Variants in CSMD2 observed in about 807,000 individuals in gnomAD.
CSMD2 encodes CUB and Sushi multiple domains 2, also known as CUB and sushi domain-containing protein 2.
CSMD2 carries 130 observed loss-of-function variants against 398.5 expected under a neutral mutation model. That is an observed-to-expected ratio of 0.33 (90% CI 0.28 to 0.38). The LOEUF (loss-of-function observed/expected upper bound fraction) is 0.38. Ranked by LOEUF, CSMD2 falls within the 10% of genes least tolerant of loss-of-function variation. CSMD2 has a pLI of 1.00. For missense variants in CSMD2, 3,829 were observed against 4,764.9 expected (o/e 0.80, Z 5.78); for synonymous variants, 1,828 against 1,908.5 (o/e 0.96, Z 1.10).
At chr1:33,802,855 C>T (rs1655766861) in intron 10 of CSMD2, among the ~76,000 whole-genome samples, 2 of 152,106 alleles carry the variant, frequency 1.3e-5, no homozygotes, top group African/African-American at 2.4e-5. Context: ...TTTCCTAAGC[C>T]TACTAACATA....
At chr1:34,067,515 C>A (rs1570990535) in intron 2 of CSMD2, among the ~76,000 whole-genome samples, 1 of 152,232 alleles carries the variant, frequency 6.6e-6, no homozygotes, top group East Asian at 1.9e-4. Context: ...GCCAGGAGCC[C>A]CAGGGGCTGC....
At chr1:34,127,736 G>C (rs970707593) in intron 1 of CSMD2, among the ~76,000 whole-genome samples, 1 of 152,150 alleles carries the variant, frequency 6.6e-6, no homozygotes, top group African/African-American at 2.4e-5. Context: ...GTTCGCAGTG[G>C]CAGCAGGATT....
chr1:33,648,750 C>A (rs1051604716), intron 28 of CSMD2, among the ~76,000 whole-genome samples: 7 of 152,180 alleles, frequency 4.6e-5, no homozygotes, highest in African/African-American at 1.4e-4. Flanking sequence ...GATCATTTCT[C>A]TCATCCAACA....
chr1:33,600,873 G>A lies in CSMD2; in HGVS notation c.6848C>T (p.Ala2283Val), dbSNP rs747026123. 6 of 1,614,162 alleles carry A rather than the reference G, an allele frequency of 3.7e-6. No individual in the cohort carries two copies. The South Asian group carries it at 6.6e-5, about 18-fold the overall frequency. Residue 2283 changes from alanine to valine, a missense_variant, in exon 44 of 71, where the codon GCT becomes GTT. This residue lies in a region of CSMD2 where 723 missense variants were observed against 758.6 expected (regional missense o/e 0.95). Coordinates refer to ENST00000373381, the MANE Select transcript of CSMD2 (RefSeq NM_001281956.2). ...CAGGCTTCCATACTGACCGGAGAAA[G>A]CTATGGCGAAGATCCCCCCTGTGGC... ...DAATGGIFAI[A>V]FSAYPLTKCP...
intron 19 of CSMD2, among the ~76,000 whole-genome samples, chr1:33,719,684 A>G (rs1002552957): frequency 6.6e-6 from 1 of 152,230 alleles, no homozygotes; most frequent in African/African-American, 2.4e-5. Flanking sequence ...ACCTGGATCA[A>G]AAGCCCATTT....
At chr1:33,807,084 A>C (rs927196042) in intron 10 of CSMD2, among the ~76,000 whole-genome samples, 1 of 152,234 alleles carries the variant, frequency 6.6e-6, no homozygotes, top group Non-Finnish European at 1.5e-5. Flanking sequence ...AAGAACAAGA[A>C]AAGACAGTAA....
intron 3 of CSMD2, among the ~76,000 whole-genome samples, chr1:34,021,650 A>G (rs1215257974): frequency 1.3e-5 from 2 of 152,210 alleles, no homozygotes; most frequent in South Asian, 2.1e-4. Flanking sequence ...ACCTGTGCTA[A>G]TAAGTGTTAA....
chr1:33,968,323 C>A (rs1396280433), intron 3 of CSMD2, among the ~76,000 whole-genome samples: 1 of 152,180 alleles, frequency 6.6e-6, no homozygotes, highest in Non-Finnish European at 1.5e-5. Context: ...GCAGATGGCC[C>A]CCAAGGTGAC....
intron 5 of CSMD2, among the ~76,000 whole-genome samples, chr1:33,912,805 T>G (rs1643524400): frequency 6.6e-6 from 1 of 152,080 alleles, no homozygotes; most frequent in Admixed American, 6.5e-5. Flanking sequence ...CCTCTTCTGC[T>G]TTTCTTTTTC....
At position 33,761,353 on chromosome 1, in the gene CSMD2, G is replaced by A. The variant is rs145629621; in HGVS notation, c.1846+11216C>T. ...CCCCAGGATCCTATGAGTGATACTC[G>A]TAGCGTCCTATTCTTCCTACATGGG... On this transcript the variant is annotated intron_variant, in intron 13 of 70. Coordinates refer to ENST00000373381, the MANE Select transcript of CSMD2 (RefSeq NM_001281956.2). Among the ~76,000 whole-genome samples, 528 of 152,288 alleles carry A rather than the reference G, an allele frequency of 3.5e-3. 6 individuals are homozygous for A. The highest frequency in any genetic ancestry group is 0.012 in the African/African-American group (503 of 41,550).
intron 29 of CSMD2, among the ~76,000 whole-genome samples, chr1:33,639,522 T>C (rs926704907): frequency 1.3e-5 from 2 of 152,246 alleles, no homozygotes; most frequent in Admixed American, 6.5e-5. Flanking sequence ...GGTAAGGGTA[T>C]TTCTTTCCAG....
At chr1:33,994,078 G>A (rs1023558420) in intron 3 of CSMD2, among the ~76,000 whole-genome samples, 3 of 152,120 alleles carry the variant, frequency 2.0e-5, no homozygotes, top group Admixed American at 6.5e-5. Flanking sequence ...ATTAGTGAAG[G>A]GAGACACTGG....
At chr1:33,757,972 A>G (rs1649275920) in intron 13 of CSMD2, among the ~76,000 whole-genome samples, 1 of 152,180 alleles carries the variant, frequency 6.6e-6, no homozygotes. Flanking sequence ...TCCAGGGTCA[A>G]TTTTGAAACT....
chr1:33,571,553 C>G lies in CSMD2; in HGVS notation c.7936G>C (p.Asp2646His), dbSNP rs1163127634. 6 of 1,517,084 alleles carry G rather than the reference C, an allele frequency of 4.0e-6. No homozygotes were observed. Among genetic ancestry groups the G allele is most frequent in the Non-Finnish European group, 5.4e-6 (6 of 1,117,614 alleles). The allele number at this position is 1,517,084 out of a possible 1,614,324, so 94.0% of individuals were successfully genotyped here. Residue 2646 changes from aspartate (D) to histidine (H), a missense_variant, in exon 51 of 71, where the codon GAC becomes CAC. This residue lies in a region of CSMD2 where 723 missense variants were observed against 758.6 expected (regional missense o/e 0.95). Transcript: ENST00000373381. ...CQANGKWSLG[D>H]STPTCRIISC... ...TTACTTCGGCAGGTGGGCGTAGAGT[C>G]CCCGAGGCTCCATTTGCCATTGGCC...
In CSMD2 at chr1:34,023,271, G is replaced by A. The variant is rs1039373830; in HGVS notation, c.517+9323C>T. On this transcript the variant is annotated intron_variant, in intron 3 of 70. Coordinates refer to ENST00000373381, the MANE Select transcript of CSMD2 (RefSeq NM_001281956.2). The stretch of plus-strand genomic sequence containing the variant: ...AATGACCACAGACTCCCAAGAGGAC[G>A]GTTCTGAAGTAAAGCTCCAAAACCT... Among the ~76,000 whole-genome samples, 7 of 152,152 alleles carry A rather than the reference G, an allele frequency of 4.6e-5. No homozygotes were observed. The East Asian group carries it at 1.2e-3, about 25-fold the overall frequency.
At chr1:34,132,690 G>A (rs561575237) in intron 1 of CSMD2, among the ~76,000 whole-genome samples, 153 of 152,312 alleles carry the variant, frequency 1.0e-3, no homozygotes, top group Non-Finnish European at 1.7e-3. Flanking sequence ...ACAGAGAAGA[G>A]GCAAATTCTC....
intron 42 of CSMD2, 112 bp from the exon 43 acceptor site, chr1:33,602,658 G>T (rs550484857): frequency 2.0e-6 from 2 of 992,306 alleles, no homozygotes; most frequent in Admixed American, 3.3e-5. Flanking sequence ...TGTCAGGGAG[G>T]TTGGGTGGGA....
rs967184736 is a variant in CSMD2 at position 33,896,722 on chromosome 1, GCAGA to G, written c.920+21368_920+21371del. Reference sequence around the variant, plus strand: ...TCTGGCTGAGAAGGAGCAAACATGGGCAGACACTCTACTGACTGGGAGGAGGCAT... The same window carrying G: ...TCTGGCTGAGAAGGAGCAAACATGGGCACTCTACTGACTGGGAGGAGGCAT... On this transcript the variant is annotated intron_variant, in intron 5 of 70. Transcript: ENST00000373381. Among the ~76,000 whole-genome samples the G allele has an allele frequency of 5.1e-4, 78 of 152,156 alleles. 1 individual carries two copies. The highest frequency in any genetic ancestry group is 1.2e-3 in the Admixed American group (18 of 15,272).
chr1:33,765,247 G>A (rs891734832), intron 13 of CSMD2, among the ~76,000 whole-genome samples: 3 of 152,122 alleles, frequency 2.0e-5, no homozygotes, highest in African/African-American at 2.4e-5. Context: ...AAACAGATGA[G>A]AATAACAATG....
Sources: gnomAD v4.1 joint callset for allele counts (sites outside exome capture counted in the v4.1 genomes callset) on GRCh38, gnomAD v4.1.1 for gene constraint, gnomAD v4.1.1 regional missense constraint, MANE v1.5 for transcripts, NCBI Gene and HGNC (gene_info 2026-07-23, HGNC 2026-07-21) for gene names.